Variants in MLLT10 observed in about 807,000 individuals in gnomAD.
MLLT10 encodes the protein protein AF-10.
Under a neutral mutation model 129.1 loss-of-function variants are expected in MLLT10, and 30 were observed. The ratio of observed to expected loss-of-function variants is 0.23; its 90% CI spans 0.17 to 0.32. The LOEUF is 0.32. Ranked by LOEUF, MLLT10 falls within the 10% of genes least tolerant of loss-of-function variation. The pLI, the probability that MLLT10 is intolerant of heterozygous loss-of-function variation, is 1.00. For synonymous variants in MLLT10, 490 were observed against 446.4 expected, an observed-to-expected ratio of 1.10 and a Z score of -1.23; for missense variants, 1,119 against 1,268.3, an observed-to-expected ratio of 0.88 and a Z score of 1.79.
intron 14 of MLLT10, among the ~76,000 whole-genome samples, chr10:21,721,594 A>G (rs1322826192): frequency 6.6e-6 from 1 of 152,152 alleles, no homozygotes; most frequent in East Asian, 1.9e-4. Context: ...TCTTAATAAC[A>G]GGAGAAATTA....
chr10:21,621,294 G>A (rs903849456), intron 8 of MLLT10, among the ~76,000 whole-genome samples: 2 of 145,744 alleles, frequency 1.4e-5, no homozygotes, highest in Non-Finnish European at 3.0e-5. Context: ...GCCTAGGCTG[G>A]AGTGCAGTGG....
chr10:21,634,576 AGT>A (rs2047290169), intron 8 of MLLT10, among the ~76,000 whole-genome samples: 1 of 152,184 alleles, frequency 6.6e-6, no homozygotes, highest in African/African-American at 2.4e-5. Flanking sequence ...TCTTTCATGC[AGT>A]GTGTTTAATA....
Position 21,684,990 on chromosome 10 carries a change from GT to G in MLLT10, c.1699+2742del, listed in dbSNP as rs201037447. ...TGTAGTTGCATTTACTTCCTGCAAA[GT>G]TTTTTTTTCAGACTCTTTGATAGAA... is the stretch of plus-strand genomic sequence containing the variant. On this transcript the variant is annotated intron_variant, in intron 13 of 22. Transcript: ENST00000307729. Among the ~76,000 whole-genome samples the G allele has an allele frequency of 5.4e-3, 820 of 151,062 alleles. 6 individuals carry two copies. Among genetic ancestry groups the G allele is most frequent in the African/African-American group, 0.019 (764 of 41,198 alleles).
chr10:21,581,592 G>C (rs1177903236), intron 3 of MLLT10, among the ~76,000 whole-genome samples: 1 of 152,142 alleles, frequency 6.6e-6, no homozygotes, highest in African/African-American at 2.4e-5. Context: ...TGTGTTGAAG[G>C]AGGGAGGTGA....
At chr10:21,651,627 G>T in intron 8 of MLLT10, 46 bp from the exon 9 acceptor site, 1 of 1,333,106 alleles carries the variant, frequency 7.5e-7, no homozygotes, top group Non-Finnish European at 1.1e-6. Flanking sequence ...GCATATATGG[G>T]GTTATAGTTA....
intron 18 of MLLT10, 138 bp downstream of exon 18, chr10:21,733,225 A>G: frequency 2.4e-6 from 2 of 839,056 alleles, no homozygotes; most frequent in Non-Finnish European, 3.5e-6. Flanking sequence ...AAGGGCATAA[A>G]GAATCCTGTT....
intron 13 of MLLT10, among the ~76,000 whole-genome samples, chr10:21,696,992 T>C (rs1440611083): frequency 1.3e-5 from 2 of 151,564 alleles, no homozygotes; most frequent in Non-Finnish European, 2.9e-5. Flanking sequence ...TCTACATGAG[T>C]TGACTCCCTA....
chr10:21,619,349 A>T (rs2045581843), intron 8 of MLLT10, among the ~76,000 whole-genome samples: 1 of 152,210 alleles, frequency 6.6e-6, no homozygotes, highest in African/African-American at 2.4e-5. Context: ...CTGCCATTTC[A>T]TGCATATTAT....
intron 13 of MLLT10, among the ~76,000 whole-genome samples, chr10:21,703,737 G>C (rs1432986303): frequency 6.6e-6 from 1 of 151,954 alleles, no homozygotes; most frequent in Non-Finnish European, 1.5e-5. Context: ...GTAGAGACAG[G>C]GTTTCACCAT....
intron 3 of MLLT10, among the ~76,000 whole-genome samples, chr10:21,564,210 C>T (rs759773900): frequency 6.6e-5 from 10 of 152,104 alleles, no homozygotes; most frequent in African/African-American, 1.2e-4. Flanking sequence ...TAACCCTCCG[C>T]GTAGCTGGGA....
intron 4 of MLLT10, 42 bp downstream of exon 4, chr10:21,586,390 G>A: frequency 7.5e-7 from 1 of 1,326,582 alleles, no homozygotes; most frequent in Non-Finnish European, 1.0e-6. Context: ...ATTGAAAACT[G>A]GGACAGTGGA....
At chr10:21,666,716 C>G (rs2050843413) in intron 9 of MLLT10, among the ~76,000 whole-genome samples, 1 of 151,954 alleles carries the variant, frequency 6.6e-6, no homozygotes, top group African/African-American at 2.4e-5. Flanking sequence ...TTATTGTTTA[C>G]CATTTTTACT....
chr10:21,696,085 C>G (rs1412203834), intron 13 of MLLT10, among the ~76,000 whole-genome samples: 2 of 151,692 alleles, frequency 1.3e-5, no homozygotes, highest in Non-Finnish European at 2.9e-5. Flanking sequence ...CATCTCTTTT[C>G]CTTTTGGGCA....
chr10:21,700,060 T>C (rs1162025275), intron 13 of MLLT10, among the ~76,000 whole-genome samples: 3 of 152,116 alleles, frequency 2.0e-5, no homozygotes, highest in African/African-American at 7.2e-5. Context: ...CATCAGTGTT[T>C]TGTAATTTTT....
chr10:21,714,732 G>C (rs914594486), intron 14 of MLLT10, among the ~76,000 whole-genome samples: 1 of 152,142 alleles, frequency 6.6e-6, no homozygotes. Flanking sequence ...AGGTTTTGCC[G>C]TGTTGGCCAG....
chr10:21,693,377 A>G (rs920374726), intron 13 of MLLT10, among the ~76,000 whole-genome samples: 89 of 87,756 alleles, frequency 1.0e-3, no homozygotes, highest in South Asian at 2.3e-3. Context: ...TCCCAGGGGG[A>G]AAAAAAAAAC....
intron 8 of MLLT10, among the ~76,000 whole-genome samples, chr10:21,631,059 C>G (rs1267365686): frequency 1.3e-5 from 2 of 151,864 alleles, no homozygotes; most frequent in Non-Finnish European, 2.9e-5. Context: ...GCCTGTAATC[C>G]CAGCACTTGG....
rs572792587 is a variant in MLLT10 at position 21,607,082 on chromosome 10, C to A, written c.406-5266C>A. Among the ~76,000 whole-genome samples the A allele has an allele frequency of 2.6e-5, 4 of 152,178 alleles. No homozygotes were observed. The South Asian group carries it at 8.3e-4, about 32-fold the overall frequency. On this transcript the variant is annotated intron_variant, in intron 5 of 22. Coordinates refer to ENST00000307729, the MANE Select transcript of MLLT10 (RefSeq NM_001195626.3). ...GACCACCCAGGGCAATATAGCAAGACCTTGTCTCTACTTGAAAGGTAGTGA... is the reference window on the plus strand; with the variant it reads ...GACCACCCAGGGCAATATAGCAAGAACTTGTCTCTACTTGAAAGGTAGTGA...
rs1479976110 is a variant in MLLT10 at position 21,617,133 on chromosome 10, A to G, written c.625A>G (p.Asn209Asp). The change falls in exon 8 of 23, where the codon AAT (asparagine) becomes GAT (aspartate). Residue 209 changes from asparagine (N) to aspartate (D), a missense_variant. Around this residue, in one of 5 missense-constraint regions of MLLT10, gnomAD observed 1,004 missense variants for 1,008.7 expected, o/e 1.00. Coordinates refer to ENST00000307729, the MANE Select transcript of MLLT10 (RefSeq NM_001195626.3). Reference sequence around the variant, plus strand: ...TTAGAAAAAGAGCAAACGGGGATCTAATAGGTCATATGATCAAAGTTTAAG... The same window carrying G: ...TTAGAAAAAGAGCAAACGGGGATCTGATAGGTCATATGATCAAAGTTTAAG... Reference protein sequence around the residue: ...SKLKKSKRGSNRSYDQSLSDS... With the variant: ...SKLKKSKRGSDRSYDQSLSDS... 1 of 1,525,448 alleles carries G rather than the reference A, an allele frequency of 6.6e-7. No homozygotes were observed. Among genetic ancestry groups the G allele is most frequent in the Non-Finnish European group, 8.8e-7 (1 of 1,131,558 alleles). 94.5% of individuals were successfully genotyped at this position (1,525,448 alleles called of 1,614,324 possible). A position where few individuals can be genotyped will look rare whatever the true frequency, so the allele number is the denominator to read the frequency against.
Sources: gnomAD v4.1 joint callset for allele counts (sites outside exome capture counted in the v4.1 genomes callset) on GRCh38, gnomAD v4.1.1 for gene constraint, gnomAD v4.1.1 regional missense constraint, MANE v1.5 for transcripts, NCBI Gene and HGNC (gene_info 2026-07-23, HGNC 2026-07-21) for gene names.